The following HIVEP3 variants were observed in gnomAD, a reference collection of about 807,000 sequenced individuals.
HIVEP3 encodes the protein transcription factor HIVEP3.
A neutral mutation model predicts 152.8 loss-of-function variants in HIVEP3; 49 were observed. The ratio of observed to expected loss-of-function variants is 0.32; its 90% CI spans 0.26 to 0.41. The LOEUF (loss-of-function observed/expected upper bound fraction) is 0.41. HIVEP3 is among the 10% of genes least tolerant of loss of function. The pLI, the probability that HIVEP3 is intolerant of heterozygous loss-of-function variation, is 1.00. For synonymous variants in HIVEP3, 1,269 were observed against 1,289.0 expected, an observed-to-expected ratio of 0.98 and a Z score of 0.33; for missense variants, 2,790 against 3,103.3, an observed-to-expected ratio of 0.90 and a Z score of 2.40.
At chr1:41,633,047 G>A (rs1645218380) in intron 2 of HIVEP3, among the ~76,000 whole-genome samples, 1 of 152,054 alleles carries the variant, frequency 6.6e-6, no homozygotes, top group Non-Finnish European at 1.5e-5. Flanking sequence ...TTCTGGCTGC[G>A]GTCGTGAGGC....
At chr1:41,682,342 G>A (rs967086306) in intron 2 of HIVEP3, among the ~76,000 whole-genome samples, 3 of 152,116 alleles carry the variant, frequency 2.0e-5, no homozygotes, top group Non-Finnish European at 4.4e-5. Context: ...TGCTGTGGAT[G>A]TGTCTGTCTC....
At chr1:41,692,499 A>G (rs970037842) in intron 2 of HIVEP3, among the ~76,000 whole-genome samples, 5 of 152,214 alleles carry the variant, frequency 3.3e-5, no homozygotes, top group Admixed American at 1.3e-4. Flanking sequence ...CTTAAAACAG[A>G]AATACACATA....
intron 2 of HIVEP3, among the ~76,000 whole-genome samples, chr1:41,636,884 G>A (rs1002708981): frequency 7.3e-5 from 11 of 150,570 alleles, no homozygotes; most frequent in Admixed American, 1.3e-4. Context: ...GCTTGAAACC[G>A]GGAGGCAGAG....
intron 1 of HIVEP3, among the ~76,000 whole-genome samples, chr1:41,958,297 T>G (rs1645150729): frequency 6.6e-6 from 1 of 152,194 alleles, no homozygotes; most frequent in Non-Finnish European, 1.5e-5. Context: ...GTGCAGACCC[T>G]GAGGGTTCAG....
At chr1:41,901,743 G>A (rs1016374195) in intron 1 of HIVEP3, among the ~76,000 whole-genome samples, 2 of 152,130 alleles carry the variant, frequency 1.3e-5, no homozygotes, top group African/African-American at 4.8e-5. Context: ...AAGCGGAGGA[G>A]GGAGGTGACA....
intron 1 of HIVEP3, among the ~76,000 whole-genome samples, chr1:41,742,985 C>A (rs1214979359): frequency 6.6e-6 from 1 of 152,100 alleles, no homozygotes; most frequent in African/African-American, 2.4e-5. Context: ...CGTAACAGAA[C>A]TAATTTCATG....
chr1:41,692,909 G>A (rs1270242053), intron 2 of HIVEP3, among the ~76,000 whole-genome samples: 1 of 152,166 alleles, frequency 6.6e-6, no homozygotes, highest in Non-Finnish European at 1.5e-5. Context: ...ATACTATGAT[G>A]AACATCCTTA....
At chr1:41,885,090 A>G (rs1644323807) in intron 1 of HIVEP3, among the ~76,000 whole-genome samples, 2 of 152,200 alleles carry the variant, frequency 1.3e-5, no homozygotes, top group African/African-American at 4.8e-5. Flanking sequence ...ACCATGTTCC[A>G]GTCTCATATT....
chr1:41,513,055 C>T lies in HIVEP3; in HGVS notation c.6166G>A (p.Glu2056Lys), dbSNP rs911204910. Residue 2056 changes from glutamate (E) to lysine (K), a missense_variant, in exon 8 of 9, where the codon GAG becomes AAG. This residue lies in a region of HIVEP3 where 816 missense variants were observed against 806.5 expected (regional missense o/e 1.01). Coordinates refer to ENST00000372583, the MANE Select transcript of HIVEP3 (RefSeq NM_024503.5). Reference sequence around the variant, plus strand: ...GGGAGGCCTGGGTCGGTGGTACCCTCGAGTTTGGAGAGCACATGTGCTCGA... The same window carrying T: ...GGGAGGCCTGGGTCGGTGGTACCCTTGAGTTTGGAGAGCACATGTGCTCGA... ...APRAHVLSKLEGTTDPGLPRY... is the reference protein window; with the variant it reads ...APRAHVLSKLKGTTDPGLPRY... The T allele has an allele frequency of 1.5e-5, 24 of 1,613,698 alleles. No individual in the cohort carries two copies. The highest frequency in any genetic ancestry group is 2.7e-5 in the African/African-American group (2 of 74,914).
chr1:42,009,473 G>A (rs997471583), intron 1 of HIVEP3, among the ~76,000 whole-genome samples: 1 of 152,134 alleles, frequency 6.6e-6, no homozygotes, highest in Non-Finnish European at 1.5e-5. Flanking sequence ...TGTCTGCTGG[G>A]TCTACATCAG....
intron 1 of HIVEP3, among the ~76,000 whole-genome samples, chr1:42,024,551 T>G (rs940473907): frequency 2.6e-5 from 4 of 152,226 alleles, no homozygotes; most frequent in Non-Finnish European, 5.9e-5. Context: ...TGCTCTTGAT[T>G]CTTTTTACCC....
intron 1 of HIVEP3, among the ~76,000 whole-genome samples, chr1:41,753,055 T>C (rs925216409): frequency 6.6e-6 from 1 of 152,152 alleles, no homozygotes; most frequent in Non-Finnish European, 1.5e-5. Flanking sequence ...TTGTATTCTA[T>C]CAAGTTACAC....
intron 3 of HIVEP3, among the ~76,000 whole-genome samples, chr1:41,605,197 G>GAAGGC (rs1172146175): frequency 1.3e-5 from 2 of 148,372 alleles, no homozygotes; most frequent in African/African-American, 4.9e-5. Context: ...GAAGGGAAGG[G>GAAGGC]AAGGGAGGAA....
intron 5 of HIVEP3, among the ~76,000 whole-genome samples, chr1:41,555,880 C>T (rs1005968614): frequency 6.6e-6 from 1 of 152,202 alleles, no homozygotes. Flanking sequence ...TGAAATCATA[C>T]AGTATCTGTC....
intron 1 of HIVEP3, among the ~76,000 whole-genome samples, chr1:41,984,024 T>A (rs1645308713): frequency 1.3e-5 from 2 of 152,130 alleles, no homozygotes. Context: ...TAGGCTGGAG[T>A]GCAATGGCAC....
intron 2 of HIVEP3, among the ~76,000 whole-genome samples, chr1:41,658,437 G>A (rs1179505402): frequency 1.3e-5 from 2 of 152,180 alleles, no homozygotes; most frequent in Non-Finnish European, 2.9e-5. Flanking sequence ...CCTGGGCTGG[G>A]AAGACTAGGG....
intron 2 of HIVEP3, among the ~76,000 whole-genome samples, chr1:41,688,558 G>T (rs1220508932): frequency 1.3e-5 from 2 of 152,192 alleles, no homozygotes; most frequent in Non-Finnish European, 2.9e-5. Flanking sequence ...CATTCTTAAA[G>T]TCACAACTCC....
intron 2 of HIVEP3, among the ~76,000 whole-genome samples, chr1:41,655,323 C>A (rs1292891544): frequency 1.3e-5 from 2 of 151,982 alleles, no homozygotes; most frequent in Non-Finnish European, 2.9e-5. Flanking sequence ...TGGCTCATGC[C>A]CATAATCCCA....
chr1:41,545,380 C>T (rs1446915509), intron 5 of HIVEP3, among the ~76,000 whole-genome samples: 150 of 60,740 alleles, frequency 2.5e-3, no homozygotes, highest in African/African-American at 0.01. Flanking sequence ...ACCACCACTA[C>T]CACCACCACC....
Sources: gnomAD v4.1 joint callset for allele counts (sites outside exome capture counted in the v4.1 genomes callset) on GRCh38, gnomAD v4.1.1 for gene constraint, gnomAD v4.1.1 regional missense constraint, MANE v1.5 for transcripts, NCBI Gene and HGNC (gene_info 2026-07-23, HGNC 2026-07-21) for gene names.